PUDP: variants seen among roughly 807,000 people sequenced by gnomAD.
The protein encoded by PUDP is pseudouridine-5'-phosphatase.
Under a neutral mutation model 9.4 loss-of-function variants are expected in PUDP, and 8 were observed. That is an observed-to-expected ratio of 0.85 (90% CI 0.50 to 1.53). PUDP has a LOEUF of 1.53. Among genes scored for constraint, PUDP ranks in the 40% most tolerant of loss-of-function variants. PUDP has a pLI of 0.00. For missense variants in PUDP, 188 were observed against 189.7 expected, an observed-to-expected ratio of 0.99 and a Z score of 0.05; for synonymous variants, 99 against 80.7, an observed-to-expected ratio of 1.23 and a Z score of -1.22.
chrX:7,097,599 G>A (rs758140569), intron 2 of PUDP, among the ~76,000 whole-genome samples: 8 of 111,457 alleles, frequency 7.2e-5, no homozygotes, highest in African/African-American at 2.6e-4. Flanking sequence ...CTGCAGATAT[G>A]CCTGTCCCCT....
At chrX:6,868,299 T>G (rs1000750368) in intron 3 of PUDP, among the ~76,000 whole-genome samples, 1 of 112,238 alleles carries the variant, frequency 8.9e-6, no homozygotes, top group Non-Finnish European at 1.9e-5. Flanking sequence ...GAAAGACCTC[T>G]CAGACACAGT....
intron 3 of PUDP, among the ~76,000 whole-genome samples, chrX:6,950,414 T>C (rs1158061385): frequency 6.4e-5 from 6 of 93,808 alleles, no homozygotes; most frequent in African/African-American, 2.0e-4. Flanking sequence ...TTCTTTTTTT[T>C]TTTTTTTTTT....
In PUDP at chrX:6,963,143, A is replaced by C. The variant is rs112082391; in HGVS notation, c.*247+13990T>G. 9.3e-3 allele frequency among the ~76,000 whole-genome samples: 1,045 copies of C among 112,206 alleles called. 15 individuals are homozygous for C. The highest frequency in any genetic ancestry group is 0.032 in the African/African-American group (978 of 30,945). ...ACTTGTCATGCTTCTACGATCTTTA[A>C]CTCATGTCTTCAAGGGTCCCTGTGA... is the stretch of plus-strand genomic sequence containing the variant. On this transcript the variant is annotated intron_variant and NMD_transcript_variant, in intron 3 of 3. Transcript: ENST00000655425.
intron 3 of PUDP, among the ~76,000 whole-genome samples, chrX:6,946,046 G>A (rs920350268): frequency 1.8e-5 from 2 of 111,147 alleles, no homozygotes; most frequent in Admixed American, 9.6e-5. Flanking sequence ...CCAACCGCCC[G>A]ATGCTGCCCC....
At chrX:6,718,666 A>C (rs754236898) in intron 1 of PUDP, among the ~76,000 whole-genome samples, 2 of 111,499 alleles carry the variant, frequency 1.8e-5, no homozygotes, top group Non-Finnish European at 3.8e-5. Context: ...CTATTCAAGC[A>C]ATGGCTACAC....
At chrX:7,012,785 G>C (rs1929495791) in intron 1 of PUDP, among the ~76,000 whole-genome samples, 1 of 111,285 alleles carries the variant, frequency 9.0e-6, no homozygotes, top group Admixed American at 9.5e-5. Flanking sequence ...TGGATGTATA[G>C]AGTTATTCTA....
chrX:7,056,838 A>G (rs893566332), intron 3 of PUDP, among the ~76,000 whole-genome samples: 6 of 112,423 alleles, frequency 5.3e-5, no homozygotes, highest in African/African-American at 1.6e-4. Flanking sequence ...GGCAAGCTGG[A>G]GGTCATGCAG....
At chrX:7,078,072 C>G (rs1231259474) in intron 2 of PUDP, among the ~76,000 whole-genome samples, 1 of 111,771 alleles carries the variant, frequency 8.9e-6, no homozygotes, top group African/African-American at 3.3e-5. Context: ...CACAGCTGAT[C>G]AACAGCAACG....
chrX:6,932,112 T>C (rs757522653), intron 3 of PUDP, among the ~76,000 whole-genome samples: 4 of 111,728 alleles, frequency 3.6e-5, no homozygotes, highest in East Asian at 2.8e-4. Context: ...TAAGTTAAGT[T>C]CGTAAGGCAA....
intron 3 of PUDP, among the ~76,000 whole-genome samples, chrX:7,071,878 G>A (rs1401840997): frequency 9.1e-6 from 1 of 109,819 alleles, no homozygotes; most frequent in East Asian, 2.9e-4. Context: ...CTAGGCTCAG[G>A]TGATTCTCCC....
chrX:7,106,532 A>T (rs1931888268), intron 1 of PUDP, among the ~76,000 whole-genome samples: 1 of 112,428 alleles, frequency 8.9e-6, no homozygotes. Flanking sequence ...ATTACACTAC[A>T]TACAATATAA....
chrX:6,718,422 A>G (rs936340882), intron 1 of PUDP, among the ~76,000 whole-genome samples: 9 of 112,385 alleles, frequency 8.0e-5, no homozygotes, highest in African/African-American at 2.6e-4. Context: ...AGCCATCAAA[A>G]AGAATGAAAT....
intron 2 of PUDP, among the ~76,000 whole-genome samples, chrX:7,088,118 T>A (rs1476259319): frequency 3.6e-5 from 4 of 112,212 alleles, no homozygotes; most frequent in African/African-American, 1.3e-4. Flanking sequence ...ACAAAACTAT[T>A]TTTTTCAGCC....
chrX:7,121,435 G>A (rs780994510), intron 1 of PUDP, among the ~76,000 whole-genome samples: 4 of 111,896 alleles, frequency 3.6e-5, no homozygotes, highest in African/African-American at 3.2e-5. Flanking sequence ...ACTGGTGAGC[G>A]CACAAAGTAT....
In PUDP at chrX:7,105,689, T is replaced by C. The variant is rs186569890; in HGVS notation, c.211A>G (p.Lys71Glu). 1.6e-5 allele frequency: 19 copies of C among 1,208,458 alleles called. No homozygotes were observed. The highest frequency in any genetic ancestry group is 1.5e-4 in the Admixed American group (7 of 45,658). Reference sequence around the variant, plus strand: ...TGGCTTTCTTCCACCAGCTCCTCTTTGGACATCGGGAGCTGCAAGACGTCT... The same window carrying C: ...TGGCTTTCTTCCACCAGCTCCTCTTCGGACATCGGGAGCTGCAAGACGTCT... ...IIDVLQLPMSKEELVEESQTK... is the reference protein window; with the variant it reads ...IIDVLQLPMSEEELVEESQTK... Residue 71 changes from lysine (K) to glutamate (E), a missense_variant, in exon 2 of 4, where the codon AAA becomes GAA. Coordinates refer to ENST00000381077, the MANE Select transcript of PUDP (RefSeq NM_012080.5).
At chrX:6,803,465 G>A (rs1602626482) in intron 3 of PUDP, among the ~76,000 whole-genome samples, 1 of 112,229 alleles carries the variant, frequency 8.9e-6, no homozygotes, top group East Asian at 2.8e-4. Flanking sequence ...GCTAATAAAT[G>A]TGTCACCCCT....
At chrX:7,103,395 C>G (rs1931794244) in intron 2 of PUDP, among the ~76,000 whole-genome samples, 1 of 112,264 alleles carries the variant, frequency 8.9e-6, no homozygotes, top group Non-Finnish European at 1.9e-5. Context: ...ACACCATACA[C>G]AAGAATTAAC....
At chrX:6,763,601 A>G (rs1380189963) in intron 3 of PUDP, among the ~76,000 whole-genome samples, 1 of 111,339 alleles carries the variant, frequency 9.0e-6, no homozygotes, top group Admixed American at 9.6e-5. Context: ...CCCCTAGACT[A>G]TGTAACCACA....
At chrX:6,762,190 C>CAAAAT (rs1925235638) in intron 3 of PUDP, among the ~76,000 whole-genome samples, 1 of 111,572 alleles carries the variant, frequency 9.0e-6, no homozygotes, top group African/African-American at 3.3e-5. Flanking sequence ...GATCTTGTCT[C>CAAAAT]AAAATAAAAT....
Sources: allele counts gnomAD v4.1 joint callset (sites outside exome capture counted in the v4.1 genomes callset), GRCh38; gene constraint gnomAD v4.1.1; transcripts MANE v1.5; gene names NCBI Gene and HGNC (gene_info 2026-07-23, HGNC 2026-07-21).